The following MAP3K20 variants were observed in gnomAD, a reference collection of about 807,000 sequenced individuals.
The protein encoded by MAP3K20 is HCCS-4.
A neutral mutation model predicts 85.7 loss-of-function variants in MAP3K20; 40 were observed. The observed-to-expected ratio is 0.47, with a 90% CI of 0.36 to 0.61. The LOEUF is 0.61. Ranked by LOEUF, MAP3K20 falls within the 20% of genes least tolerant of loss-of-function variation. The pLI is 0.00. For synonymous variants in MAP3K20, 325 were observed against 327.7 expected, an observed-to-expected ratio of 0.99 and a Z score of 0.09; for missense variants, 817 against 961.7, an observed-to-expected ratio of 0.85 and a Z score of 1.99.
chr2:173,239,473 T>G lies in MAP3K20; in HGVS notation c.1336T>G (p.Leu446Val). Reference protein sequence around the residue: ...VNLELVFGFHLKPGTGPQDCK... With the variant: ...VNLELVFGFHVKPGTGPQDCK... ...CCTGGAACTGGTTTTTGGTTTTCACTTGAAACCAGGAACTGGCCCACAGGT... is the reference window on the plus strand; with the variant it reads ...CCTGGAACTGGTTTTTGGTTTTCACGTGAAACCAGGAACTGGCCCACAGGT... Residue 446 changes from leucine (L) to valine (V), a missense_variant, in exon 16 of 20, where the codon TTG becomes GTG. By Grantham distance (32) the Leu-to-Val change is conservative (BLOSUM62 1). This residue lies in a region of MAP3K20 where 454 missense variants were observed against 476.9 expected (regional missense o/e 0.95). Coordinates refer to ENST00000375213, the MANE Select transcript of MAP3K20 (RefSeq NM_016653.3). The G allele has an allele frequency of 6.2e-7, 1 of 1,613,310 alleles. No homozygotes were observed. Among genetic ancestry groups the G allele is most frequent in the Non-Finnish European group, 8.5e-7 (1 of 1,179,842 alleles).
intron 1 of MAP3K20, among the ~76,000 whole-genome samples, chr2:173,081,310 T>C (rs2106135152): frequency 6.6e-6 from 1 of 152,116 alleles, no homozygotes; most frequent in South Asian, 2.1e-4. Context: ...TGAGGGTATG[T>C]GCTACCTTGC....
chr2:173,213,644 T>C (rs527578198), intron 10 of MAP3K20, among the ~76,000 whole-genome samples: 1 of 152,250 alleles, frequency 6.6e-6, no homozygotes, highest in Non-Finnish European at 1.5e-5. Flanking sequence ...CAGAACCCAG[T>C]ACAGAATACA....
chr2:173,110,500 G>A (rs1687939627), intron 2 of MAP3K20, among the ~76,000 whole-genome samples: 1 of 151,514 alleles, frequency 6.6e-6, no homozygotes, highest in Admixed American at 6.6e-5. Context: ...GTGGTGATTT[G>A]TGAGATTTGG....
Position 173,132,792 on chromosome 2 carries a change from C to T in MAP3K20, c.160-37013C>T, listed in dbSNP as rs78938981. ...AGGGCCCATTACACAACCACTAAAT[C>T]TCTTTCTTCATCTGCAAAATGAAGT... On this transcript the variant is annotated intron_variant, in intron 2 of 19. Transcript: ENST00000375213. Among the ~76,000 whole-genome samples the T allele has an allele frequency of 2.2e-4, 33 of 152,332 alleles. No homozygotes were observed. The East Asian group carries it at 5.6e-3, about 26-fold the overall frequency.
rs761269256 is a variant in MAP3K20 at position 173,187,599 on chromosome 2, C to T, written c.391C>T (p.His131Tyr). Residue 131 changes from histidine (H) to tyrosine (Y), a missense_variant, in exon 5 of 20, where the codon CAC becomes TAC. His to Tyr is a moderately conservative substitution (Grantham distance 83, BLOSUM62 2). Coordinates refer to ENST00000375213, the MANE Select transcript of MAP3K20 (RefSeq NM_016653.3). ...LHMEAPVKVI[H>Y]RDLKSRNVVI... Reference sequence around the variant, plus strand: ...TATGGAGGCTCCTGTCAAGGTGATTCACAGAGACCTCAAGTCAAGAAACGG... The same window carrying T: ...TATGGAGGCTCCTGTCAAGGTGATTTACAGAGACCTCAAGTCAAGAAACGG... 1.2e-6 allele frequency: 2 copies of T among 1,608,940 alleles called. No individual in the cohort carries two copies. Among genetic ancestry groups the T allele is most frequent in the Non-Finnish European group, 1.7e-6 (2 of 1,178,380 alleles).
chr2:173,133,889 G>C (rs1056389325), intron 2 of MAP3K20, among the ~76,000 whole-genome samples: 3 of 151,574 alleles, frequency 2.0e-5, no homozygotes, highest in Non-Finnish European at 4.4e-5. Flanking sequence ...TACTTGGGAG[G>C]CTGAGGCAGA....
At chr2:173,238,130 G>A (rs923115669) in intron 14 of MAP3K20, among the ~76,000 whole-genome samples, 2 of 152,152 alleles carry the variant, frequency 1.3e-5, no homozygotes, top group African/African-American at 2.4e-5. Flanking sequence ...CAGCCTGCAC[G>A]ACAGAATGAG....
intron 16 of MAP3K20, among the ~76,000 whole-genome samples, chr2:173,257,967 G>T (rs116134455): frequency 2.6e-5 from 4 of 152,000 alleles, no homozygotes; most frequent in Admixed American, 6.5e-5. Context: ...ACATACTATC[G>T]TTTAAAAATC....
At chr2:173,128,476 G>A (rs1369196858) in intron 2 of MAP3K20, among the ~76,000 whole-genome samples, 2 of 151,946 alleles carry the variant, frequency 1.3e-5, no homozygotes, top group Non-Finnish European at 2.9e-5. Flanking sequence ...GGGACTACAG[G>A]CGCGCACCAC....
At chr2:173,258,168 T>C (rs909232127) in intron 16 of MAP3K20, among the ~76,000 whole-genome samples, 13 of 152,222 alleles carry the variant, frequency 8.5e-5, no homozygotes, top group African/African-American at 2.7e-4. Context: ...TCCGTTATCA[T>C]ACATCATCAC....
chr2:173,087,453 T>C (rs1464046644), intron 1 of MAP3K20, among the ~76,000 whole-genome samples: 3 of 152,218 alleles, frequency 2.0e-5, no homozygotes, highest in Non-Finnish European at 2.9e-5. Flanking sequence ...AAAGTGGCTA[T>C]AAGTGGTAAA....
At chr2:173,220,162 C>T (rs1389512845) in intron 11 of MAP3K20, among the ~76,000 whole-genome samples, 1 of 151,730 alleles carries the variant, frequency 6.6e-6, no homozygotes, top group East Asian at 1.9e-4. Flanking sequence ...TAAATGTATC[C>T]ATATTGAAAC....
At chr2:173,129,947 CACTATT>C (rs1407701919) in intron 2 of MAP3K20, among the ~76,000 whole-genome samples, 6 of 152,038 alleles carry the variant, frequency 3.9e-5, no homozygotes, top group Non-Finnish European at 7.4e-5. Context: ...TGCAGATACT[CACTATT>C]AGTAAGGACT....
chr2:173,181,663 C>A (rs1408308364), intron 3 of MAP3K20, among the ~76,000 whole-genome samples: 2 of 152,100 alleles, frequency 1.3e-5, no homozygotes, highest in Non-Finnish European at 2.9e-5. Context: ...ACTGAATAAA[C>A]CAAATGTAGT....
intron 5 of MAP3K20, among the ~76,000 whole-genome samples, chr2:173,190,232 C>G (rs1453100144): frequency 6.6e-6 from 1 of 152,164 alleles, no homozygotes; most frequent in Non-Finnish European, 1.5e-5. Context: ...GAAACTTCAT[C>G]TGACCGCCCT....
At chr2:173,193,963 G>T (rs1559271800) in intron 7 of MAP3K20, among the ~76,000 whole-genome samples, 1 of 152,156 alleles carries the variant, frequency 6.6e-6, no homozygotes, top group Non-Finnish European at 1.5e-5. Flanking sequence ...TTCCAGTGTT[G>T]CTCTGTATTT....
intron 2 of MAP3K20, among the ~76,000 whole-genome samples, chr2:173,164,229 A>AT (rs1351928569): frequency 1.3e-5 from 2 of 152,052 alleles, no homozygotes; most frequent in African/African-American, 2.4e-5. Context: ...AAGTGCTGGG[A>AT]TTTTTTAATA....
At chr2:173,224,670 T>G in intron 11 of MAP3K20, 1 of 985,404 alleles carries the variant, frequency 1.0e-6, no homozygotes, top group Non-Finnish European at 1.2e-6. Context: ...CTATTGATCA[T>G]TACCACGTGA....
intron 2 of MAP3K20, among the ~76,000 whole-genome samples, chr2:173,159,574 G>A (rs1008904366): frequency 1.3e-5 from 2 of 151,984 alleles, no homozygotes; most frequent in African/African-American, 4.8e-5. Context: ...ATTTTTTGTA[G>A]AGATAGGGTC....
Sources: gnomAD v4.1 joint callset for allele counts (sites outside exome capture counted in the v4.1 genomes callset) on GRCh38, gnomAD v4.1.1 for gene constraint, gnomAD v4.1.1 regional missense constraint, MANE v1.5 for transcripts, NCBI Gene and HGNC (gene_info 2026-07-23, HGNC 2026-07-21) for gene names.